The following TBCK variants were observed in gnomAD, a reference collection of about 807,000 sequenced individuals.
The protein encoded by TBCK is TBC1 domain containing kinase.
In TBCK, 99 loss-of-function variants were observed where a neutral mutation model predicts 113.4. The observed-to-expected ratio is 0.87, with a 90% CI of 0.74 to 1.03. The LOEUF is 1.03. TBCK is among the 50% of genes least tolerant of loss of function. The pLI is 0.00. For missense variants in TBCK, 1,045 were observed against 1,061.3 expected (o/e 0.98, Z 0.21); for synonymous variants, 369 against 370.8 (o/e 1.00, Z 0.05).
chr4:106,231,630 G>C, intron 18 of TBCK, 99 bp downstream of exon 18: 1 of 1,026,184 alleles, frequency 9.7e-7, no homozygotes, highest in Non-Finnish European at 1.4e-6. Context: ...ACCAGGGAGA[G>C]AATAAGAGCC....
rs185682362 is a variant in TBCK, at chr4:106,171,772, A to C, written c.2060-502T>G. ...TGAACTGACAGTTTTACTGCCATTA[A>C]ATAAGATATAAAATTATCAGAAAAA... On this transcript the variant is annotated intron_variant, in intron 22 of 25. Coordinates refer to ENST00000394708, the MANE Select transcript of TBCK (RefSeq NM_001163435.3). 3.2e-4 allele frequency among the ~76,000 whole-genome samples: 49 copies of C among 152,256 alleles called. No individual in the cohort carries two copies. The East Asian group carries it at 6.2e-3, about 19-fold the overall frequency.
Position 106,187,276 on chromosome 4 carries a change from A to G in TBCK, c.2059+6333T>C, listed in dbSNP as rs554876999. On this transcript the variant is annotated intron_variant, in intron 22 of 25. Coordinates refer to ENST00000394708, the MANE Select transcript of TBCK (RefSeq NM_001163435.3). ...ATATTTTTTTCTAATTCTGTGATAAATGTTGTTGGTAGTTTGATAGGAATA... is the reference window on the plus strand; with the variant it reads ...ATATTTTTTTCTAATTCTGTGATAAGTGTTGTTGGTAGTTTGATAGGAATA... Among the ~76,000 whole-genome samples, 144 of 152,176 alleles carry G rather than the reference A, an allele frequency of 9.5e-4. 1 individual carries two copies. Among genetic ancestry groups the G allele is most frequent in the African/African-American group, 3.4e-3 (142 of 41,530 alleles).
intron 25 of TBCK, among the ~76,000 whole-genome samples, chr4:106,063,329 C>T (rs1428184428): frequency 6.6e-6 from 1 of 151,826 alleles, no homozygotes; most frequent in African/African-American, 2.4e-5. Flanking sequence ...TAACTAAATG[C>T]TTAAGGTATA....
chr4:106,225,230 T>A (rs1050716654), intron 19 of TBCK, among the ~76,000 whole-genome samples: 2 of 152,218 alleles, frequency 1.3e-5, no homozygotes, highest in African/African-American at 2.4e-5. Flanking sequence ...TCTATTGATT[T>A]TTTTTTAGCA....
chr4:106,251,705 T>A (rs1421801520), intron 6 of TBCK, among the ~76,000 whole-genome samples, 161 bp downstream of exon 6: 3 of 152,036 alleles, frequency 2.0e-5, no homozygotes, highest in African/African-American at 7.2e-5. Flanking sequence ...CCAAAAAATA[T>A]GTGAAATTAT....
chr4:106,214,061 C>T (rs1001003028), intron 19 of TBCK, among the ~76,000 whole-genome samples: 8 of 152,324 alleles, frequency 5.3e-5, no homozygotes, highest in South Asian at 2.1e-4. Context: ...TCCCTGACCC[C>T]TGACCCCCGA....
chr4:106,230,739 A>C (rs1256074107), intron 18 of TBCK, among the ~76,000 whole-genome samples: 1 of 151,894 alleles, frequency 6.6e-6, no homozygotes, highest in Non-Finnish European at 1.5e-5. Flanking sequence ...GTTTCTTAAA[A>C]TTTCTAAGCA....
At position 106,308,983 on chromosome 4, in the gene TBCK, A is replaced by G. The variant is rs1027768548; in HGVS notation, c.-23T>C. 1 of 1,595,712 alleles carries G rather than the reference A, an allele frequency of 6.3e-7. No individual in the cohort carries two copies. Among genetic ancestry groups the G allele is most frequent in the East Asian group, 2.2e-5 (1 of 44,656 alleles). ...CATTTTTGGAGTCCTAGGTCTTCTA[A>G]GATAATCTGGAAAAGGAGAGAATTT... On this transcript the variant is annotated 5_prime_UTR_variant, in exon 2 of 26. Coordinates refer to ENST00000394708, the MANE Select transcript of TBCK (RefSeq NM_001163435.3).
chr4:106,292,827 C>T (rs1193067509), intron 3 of TBCK, among the ~76,000 whole-genome samples: 1 of 152,196 alleles, frequency 6.6e-6, no homozygotes, highest in East Asian at 1.9e-4. Flanking sequence ...ATTCAACCTG[C>T]TCAACAAACT....
chr4:106,197,757 C>T (rs544480874), intron 20 of TBCK, among the ~76,000 whole-genome samples: 1 of 152,106 alleles, frequency 6.6e-6, no homozygotes, highest in Non-Finnish European at 1.5e-5. Flanking sequence ...TGGTCACCCC[C>T]AAACTGCCTC....
intron 23 of TBCK, among the ~76,000 whole-genome samples, chr4:106,153,080 T>C (rs1189803517): frequency 6.6e-6 from 1 of 152,068 alleles, no homozygotes; most frequent in Non-Finnish European, 1.5e-5. Context: ...TTTTTGCTCT[T>C]TTCCTTATTC....
At chr4:106,169,134 C>T (rs1239825065) in intron 23 of TBCK, among the ~76,000 whole-genome samples, 1 of 152,080 alleles carries the variant, frequency 6.6e-6, no homozygotes, top group Non-Finnish European at 1.5e-5. Flanking sequence ...GTCAACAGTT[C>T]TTCCCAAATT....
Position 106,097,397 on chromosome 4 carries a change from C to T in TBCK, c.2412-1756G>A, listed in dbSNP as rs569767090. 2.0e-5 allele frequency among the ~76,000 whole-genome samples: 3 copies of T among 152,238 alleles called. No homozygotes were observed. In the East Asian group the frequency reaches 5.8e-4, roughly 29 times the overall value. On this transcript the variant is annotated intron_variant, in intron 24 of 25. Transcript: ENST00000394708. Reference sequence around the variant, plus strand: ...ATCCAAGAACACTCTTGTCATGAAACTTATAGCACAAAAATGATTGGGTAA... The same window carrying T: ...ATCCAAGAACACTCTTGTCATGAAATTTATAGCACAAAAATGATTGGGTAA...
intron 14 of TBCK, among the ~76,000 whole-genome samples, chr4:106,235,857 G>C (rs1193692028): frequency 2.0e-5 from 3 of 151,966 alleles, no homozygotes. Flanking sequence ...ATAGGACAAA[G>C]GCAACAGATG....
intron 23 of TBCK, among the ~76,000 whole-genome samples, chr4:106,131,881 G>A (rs1446089856): frequency 2.0e-5 from 3 of 152,130 alleles, no homozygotes; most frequent in Non-Finnish European, 2.9e-5. Context: ...GAACTTCTTG[G>A]GACTGGAGTA....
At chr4:106,279,512 C>T in intron 3 of TBCK, among the ~76,000 whole-genome samples, 1 of 152,080 alleles carries the variant, frequency 6.6e-6, no homozygotes, top group Admixed American at 6.5e-5. Flanking sequence ...TTATTGTTGA[C>T]TATAGTCACA....
chr4:106,151,011 G>GT (rs1281025646), intron 23 of TBCK, among the ~76,000 whole-genome samples: 1 of 151,840 alleles, frequency 6.6e-6, no homozygotes, highest in Non-Finnish European at 1.5e-5. Context: ...AGGTTTTTAT[G>GT]TATGTATGTT....
Position 106,084,784 on chromosome 4 carries a change from T to G in TBCK, c.2571+10698A>C, listed in dbSNP as rs1342819755. Among the ~76,000 whole-genome samples the G allele has an allele frequency of 3.3e-5, 5 of 152,172 alleles. No homozygotes were observed. In the South Asian group the frequency reaches 6.2e-4, roughly 19 times the overall value. On this transcript the variant is annotated intron_variant, in intron 25 of 25. Coordinates refer to ENST00000394708, the MANE Select transcript of TBCK (RefSeq NM_001163435.3). ...AGCCAGAAGAGACTGGGGGCTAATATTTAACATTCTTAAAGAATTTTCAAC... is the reference window on the plus strand; with the variant it reads ...AGCCAGAAGAGACTGGGGGCTAATAGTTAACATTCTTAAAGAATTTTCAAC...
chr4:106,171,264 T>A lies in TBCK; in HGVS notation c.2066A>T (p.Asp689Val). Residue 689 changes from aspartate to valine, a missense_variant, in exon 23 of 26, where the codon GAC (aspartate) becomes GTC (valine). Physicochemically the swap from Asp to Val is radical, Grantham distance 152 (BLOSUM62 -3). Coordinates refer to ENST00000394708, the MANE Select transcript of TBCK (RefSeq NM_001163435.3). The stretch of plus-strand genomic sequence containing the variant: ...AGATTCTCTCACACAGCGTTCAATG[T>A]CAATTTCTAGATAGAAATGTTTTAA... ...ILLFSDLPEI[D>V]IERCVRESIN... The A allele has an allele frequency of 6.3e-7, 1 of 1,599,432 alleles. No homozygotes were observed.
Sources: gnomAD v4.1 joint callset for allele counts (sites outside exome capture counted in the v4.1 genomes callset) on GRCh38, gnomAD v4.1.1 for gene constraint, MANE v1.5 for transcripts, NCBI Gene and HGNC (gene_info 2026-07-23, HGNC 2026-07-21) for gene names.